The following PARD3B variants were observed in gnomAD, a reference collection of about 807,000 sequenced individuals.
PARD3B encodes par-3 family cell polarity regulator beta.
Under a neutral mutation model 130.2 loss-of-function variants are expected in PARD3B, and 103 were observed. The observed-to-expected ratio is 0.79, with a 90% CI of 0.67 to 0.93. The LOEUF (loss-of-function observed/expected upper bound fraction) is 0.93. Ranked by LOEUF, PARD3B falls within the 40% of genes least tolerant of loss-of-function variation. The pLI is 0.00. For missense variants in PARD3B, 1,609 were observed against 1,499.2 expected (o/e 1.07, Z -1.21); for synonymous variants, 583 against 553.2 (o/e 1.05, Z -0.76).
chr2:204,686,465 G>T (rs1275901668), intron 2 of PARD3B, among the ~76,000 whole-genome samples, 183 bp downstream of exon 2: 1 of 152,166 alleles, frequency 6.6e-6, no homozygotes, highest in African/African-American at 2.4e-5. Flanking sequence ...CTGTGTTAAG[G>T]TTTGGGAATC....
intron 2 of PARD3B, among the ~76,000 whole-genome samples, chr2:204,897,868 C>A (rs529303994): frequency 6.7e-6 from 1 of 148,850 alleles, no homozygotes; most frequent in Admixed American, 6.7e-5. Flanking sequence ...ATTAATAAAC[C>A]TTTAAAGTAA....
intron 20 of PARD3B, among the ~76,000 whole-genome samples, chr2:205,494,672 T>C (rs1431122027): frequency 6.6e-6 from 1 of 152,220 alleles, no homozygotes; most frequent in African/African-American, 2.4e-5. Flanking sequence ...CGGCTATAAA[T>C]GTGCTCTGCT....
intron 1 of PARD3B, among the ~76,000 whole-genome samples, chr2:204,672,450 G>T (rs2036350879): frequency 2.0e-5 from 3 of 152,092 alleles, no homozygotes; most frequent in Admixed American, 2.0e-4. Context: ...TGTGATAGAG[G>T]ACCAGATTGT....
intron 10 of PARD3B, among the ~76,000 whole-genome samples, chr2:205,156,552 AAAG>A (rs1219835994): frequency 2.6e-5 from 4 of 151,586 alleles, no homozygotes; most frequent in African/African-American, 9.7e-5. Flanking sequence ...ATAAAAAAAA[AAAG>A]AGAGTCTGAC....
rs2048465609 is a variant in PARD3B at position 205,461,891 on chromosome 2, C to T, written c.3044+21219C>T. Among the ~76,000 whole-genome samples the T allele has an allele frequency of 6.6e-6, 1 of 152,110 alleles. No homozygotes were observed. The highest frequency in any genetic ancestry group is 2.4e-5 in the African/African-American group (1 of 41,406). ...TTAATAGTCATCATCAGTTCCTTAA[C>T]TGAAAGAGAAATGCTCAGGCAGGGC... On this transcript the variant is annotated intron_variant, in intron 20 of 22. Coordinates refer to ENST00000406610, the MANE Select transcript of PARD3B (RefSeq NM_001302769.2). This position sits in a 1 kb window ranked among gnomAD's most constrained non-coding sequence, Gnocchi z 4.3.
intron 5 of PARD3B, among the ~76,000 whole-genome samples, chr2:205,108,542 G>A (rs1010164599): frequency 1.3e-5 from 2 of 151,266 alleles, no homozygotes; most frequent in African/African-American, 4.9e-5. Flanking sequence ...ACAACCAATT[G>A]TTATGCTCAC....
chr2:205,456,923 C>A (rs2048296516), intron 20 of PARD3B, among the ~76,000 whole-genome samples: 1 of 149,484 alleles, frequency 6.7e-6, no homozygotes, highest in African/African-American at 2.4e-5. Flanking sequence ...AATAATTTAT[C>A]ATAAATTTAA....
intron 14 of PARD3B, among the ~76,000 whole-genome samples, chr2:205,190,736 C>A (rs1353766633): frequency 1.3e-5 from 2 of 152,172 alleles, no homozygotes; most frequent in Admixed American, 1.3e-4. Flanking sequence ...GGCCATGAGT[C>A]TTTCTGACAC....
chr2:205,171,621 C>T (rs569731397), intron 11 of PARD3B, among the ~76,000 whole-genome samples: 10 of 152,258 alleles, frequency 6.6e-5, no homozygotes, highest in Admixed American at 2.0e-4. Flanking sequence ...AATATCAGGG[C>T]GAACTGGCCC....
rs2055465825 is a variant in PARD3B, at chr2:205,617,242, C to T, written c.*1429C>T. On this transcript the variant is annotated 3_prime_UTR_variant, in exon 23 of 23. Transcript: ENST00000406610. Reference sequence around the variant, plus strand: ...ATACAAGCTGGCCCAAATGAGAACACAAGCAAAAGATGTGGAAGACAGCAA... The same window carrying T: ...ATACAAGCTGGCCCAAATGAGAACATAAGCAAAAGATGTGGAAGACAGCAA... 1 of 152,648 alleles carries T rather than the reference C, an allele frequency of 6.6e-6. No homozygotes were observed. Among genetic ancestry groups the T allele is most frequent in the African/African-American group, 2.4e-5 (1 of 41,426 alleles). 9.5% of individuals were successfully genotyped at this position (152,648 alleles called of 1,614,324 possible).
intron 18 of PARD3B, among the ~76,000 whole-genome samples, chr2:205,304,635 CAA>C (rs34125638): frequency 7.5e-6 from 1 of 133,996 alleles, no homozygotes. Context: ...AACTCCATCT[CAA>C]AAAAAAAAAA....
Position 204,615,964 on chromosome 2 carries a change from A to G in PARD3B, c.120+69845A>G, listed in dbSNP as rs958351854. Among the ~76,000 whole-genome samples the G allele has an allele frequency of 3.8e-4, 58 of 152,298 alleles. 1 individual carries two copies. The highest frequency in any genetic ancestry group is 3.4e-3 in the Middle Eastern group (1 of 294). Reference sequence around the variant, plus strand: ...TCTTGAAGTCAGCTTTTTAAACTACAGGTATTGACAAAGCCTAAAATGGAT... The same window carrying G: ...TCTTGAAGTCAGCTTTTTAAACTACGGGTATTGACAAAGCCTAAAATGGAT... On this transcript the variant is annotated intron_variant, in intron 1 of 22. Transcript: ENST00000406610.
At chr2:204,705,597 TAAAC>T (rs2038103110) in intron 2 of PARD3B, among the ~76,000 whole-genome samples, 1 of 152,204 alleles carries the variant, frequency 6.6e-6, no homozygotes, top group African/African-American at 2.4e-5. Flanking sequence ...AATGCTCTAT[TAAAC>T]AAATATATTA....
chr2:204,736,238 A>C (rs1028186539), intron 2 of PARD3B, among the ~76,000 whole-genome samples: 1 of 152,116 alleles, frequency 6.6e-6, no homozygotes, highest in East Asian at 1.9e-4. Flanking sequence ...AAAATGCATT[A>C]GTTAAAACAA....
chr2:204,596,703 T>C (rs537071256), intron 1 of PARD3B, among the ~76,000 whole-genome samples: 3 of 152,190 alleles, frequency 2.0e-5, no homozygotes, highest in Non-Finnish European at 4.4e-5. Context: ...CCGAGGCAGG[T>C]GGATCGCCTG....
intron 22 of PARD3B, among the ~76,000 whole-genome samples, chr2:205,581,267 G>GATATAT (rs1559238123): frequency 9.1e-6 from 1 of 109,742 alleles, no homozygotes; most frequent in Non-Finnish European, 1.9e-5. Context: ...TATAGATATA[G>GATATAT]ATAGATAGAT....
chr2:205,350,966 C>T (rs1046421296), intron 18 of PARD3B, among the ~76,000 whole-genome samples: 1 of 152,130 alleles, frequency 6.6e-6, no homozygotes, highest in Non-Finnish European at 1.5e-5. Flanking sequence ...TATTTTATAA[C>T]TTTTTGGCAA....
intron 2 of PARD3B, among the ~76,000 whole-genome samples, chr2:204,921,516 A>G (rs1437140043): frequency 2.6e-5 from 4 of 151,558 alleles, no homozygotes; most frequent in African/African-American, 9.7e-5. Context: ...TGTTTTGACA[A>G]TTAGAGTAGG....
intron 18 of PARD3B, among the ~76,000 whole-genome samples, chr2:205,310,289 A>G (rs2704642): frequency 0.91 from 137,704 of 151,802 alleles, 62,652 homozygotes; most frequent in Admixed American, 0.94. Flanking sequence ...GGGTTTCACC[A>G]TGTTAGCCAG....
Sources: gnomAD v4.1 joint callset for allele counts (sites outside exome capture counted in the v4.1 genomes callset) on GRCh38, gnomAD v4.1.1 for gene constraint, Gnocchi (gnomAD v3.1) non-coding constraint, MANE v1.5 for transcripts, NCBI Gene and HGNC (gene_info 2026-07-23, HGNC 2026-07-21) for gene names.